The following GNA12 variants were observed in gnomAD, a reference collection of about 807,000 sequenced individuals.
GNA12 encodes the protein G protein subunit alpha 12, also known as guanine nucleotide-binding protein subunit alpha-12.
GNA12 carries 9 observed loss-of-function variants against 26.0 expected under a neutral mutation model. The ratio of observed to expected loss-of-function variants is 0.35; its 90% confidence interval spans 0.21 to 0.60. The LOEUF (loss-of-function observed/expected upper bound fraction) is 0.60, where lower values mean the gene tolerates loss of function less well. Ranked by LOEUF, GNA12 falls within the 20% of genes least tolerant of loss-of-function variation. The probability of loss-of-function intolerance (pLI) is 0.78; values close to 1 mark genes in which losing one functional copy is unlikely to be tolerated. For missense variants in GNA12, 405 were observed against 525.8 expected (o/e 0.77, Z 2.25); for synonymous variants, 264 against 219.6 (o/e 1.20, Z -1.79).
intron 1 of GNA12, among the ~76,000 whole-genome samples, chr7:2,816,642 A>G (rs1160231804): frequency 6.6e-6 from 1 of 152,274 alleles, no homozygotes; most frequent in Admixed American, 6.5e-5. Flanking sequence ...CAGAACACAA[A>G]TTGAATAATT....
chr7:2,815,023 A>G, intron 1 of GNA12: 1 of 1,511,324 alleles, frequency 6.6e-7, no homozygotes, highest in Non-Finnish European at 8.9e-7. Flanking sequence ...CTTCCACCCA[A>G]TCCAGTCCCC....
At chr7:2,793,978 G>A (rs1032742644) in intron 2 of GNA12, among the ~76,000 whole-genome samples, 1 of 151,888 alleles carries the variant, frequency 6.6e-6, no homozygotes, top group Non-Finnish European at 1.5e-5. Flanking sequence ...ATGGATCCTA[G>A]TATCTTTCCA....
chr7:2,764,210 C>T (rs1440601978), intron 2 of GNA12, among the ~76,000 whole-genome samples: 1 of 151,352 alleles, frequency 6.6e-6, no homozygotes, highest in Non-Finnish European at 1.5e-5. Flanking sequence ...GTAGCTGGGA[C>T]CACGGGCACG....
At chr7:2,836,257 A>G (rs1778834486) in intron 1 of GNA12, among the ~76,000 whole-genome samples, 1 of 152,220 alleles carries the variant, frequency 6.6e-6, no homozygotes, top group Non-Finnish European at 1.5e-5. Flanking sequence ...AAAGCCCCAG[A>G]CACTGAGTAA....
chr7:2,753,692 G>A (rs1791146528), intron 2 of GNA12, among the ~76,000 whole-genome samples: 1 of 152,088 alleles, frequency 6.6e-6, no homozygotes, highest in African/African-American at 2.4e-5. Flanking sequence ...TTTCTCTAGG[G>A]TAAATGCCCA....
intron 2 of GNA12, chr7:2,762,564 A>T: frequency 1.4e-6 from 2 of 1,431,816 alleles, no homozygotes; most frequent in East Asian, 2.5e-5. Flanking sequence ...AGATCCAATG[A>T]CATTTCCTGA....
intron 1 of GNA12, chr7:2,835,947 G>C (rs1173715501): frequency 1.9e-6 from 1 of 520,232 alleles, no homozygotes; most frequent in Non-Finnish European, 3.7e-6. Flanking sequence ...AAGCAATTCA[G>C]TGGGTGTGAG....
chr7:2,733,578 G>T, intron 2 of GNA12, 77 bp from the exon 3 acceptor site: 1 of 1,141,678 alleles, frequency 8.8e-7, no homozygotes, highest in Non-Finnish European at 1.3e-6. Context: ...AACTGAACAG[G>T]GTAAGAGCAG....
chr7:2,843,050 G>A (rs944403219), intron 1 of GNA12, among the ~76,000 whole-genome samples: 1 of 152,198 alleles, frequency 6.6e-6, no homozygotes, highest in East Asian at 1.9e-4. Flanking sequence ...ACTTTGGGAG[G>A]CCCAGGTGGG....
At chr7:2,827,649 G>GT (rs1212228499) in intron 1 of GNA12, among the ~76,000 whole-genome samples, 2 of 152,152 alleles carry the variant, frequency 1.3e-5, no homozygotes, top group Non-Finnish European at 1.5e-5. Context: ...CCTGACTGCA[G>GT]TGACACCAGG....
At chr7:2,755,514 T>C (rs1251836215) in intron 2 of GNA12, among the ~76,000 whole-genome samples, 3 of 152,370 alleles carry the variant, frequency 2.0e-5, no homozygotes, top group South Asian at 2.1e-4. Context: ...GTTAATGGTG[T>C]TGCATCTTAA....
intron 2 of GNA12, among the ~76,000 whole-genome samples, chr7:2,755,161 C>T (rs1034640279): frequency 1.3e-5 from 2 of 152,198 alleles, no homozygotes; most frequent in African/African-American, 4.8e-5. Flanking sequence ...CAGGCCTGAC[C>T]ACTGCAGGGA....
intron 2 of GNA12, among the ~76,000 whole-genome samples, chr7:2,738,276 C>T (rs1790312008): frequency 7.0e-6 from 1 of 142,640 alleles, no homozygotes; most frequent in Non-Finnish European, 1.6e-5. Flanking sequence ...CAGAGTGAGG[C>T]TCCATCTAAA....
At chr7:2,836,652 G>A (rs1361517851) in intron 1 of GNA12, among the ~76,000 whole-genome samples, 1 of 152,132 alleles carries the variant, frequency 6.6e-6, no homozygotes, top group Non-Finnish European at 1.5e-5. Flanking sequence ...GGCCAGGTGC[G>A]GTGGCCCACA....
At chr7:2,809,193 G>T (rs757790) in intron 1 of GNA12, among the ~76,000 whole-genome samples, 81,765 of 151,880 alleles carry the variant, frequency 0.54, 22,831 homozygotes, top group Non-Finnish European at 0.62. Context: ...GCCCCACAAG[G>T]ACAGGGCTCT....
intron 2 of GNA12, among the ~76,000 whole-genome samples, chr7:2,736,053 T>C (rs1038784120): frequency 5.3e-5 from 8 of 152,192 alleles, no homozygotes; most frequent in African/African-American, 1.4e-4. Flanking sequence ...GACGATCGTT[T>C]GCGACGGACT....
intron 1 of GNA12, among the ~76,000 whole-genome samples, chr7:2,815,422 G>A (rs1436528582): frequency 6.6e-6 from 1 of 152,174 alleles, no homozygotes; most frequent in Admixed American, 6.5e-5. Context: ...CATGAGGGAG[G>A]CTGGAGCGTG....
At chr7:2,757,461 G>GA (rs1402629744) in intron 2 of GNA12, among the ~76,000 whole-genome samples, 1 of 152,186 alleles carries the variant, frequency 6.6e-6, no homozygotes, top group Non-Finnish European at 1.5e-5. Flanking sequence ...CAGCTAGTAA[G>GA]AAAATGGGAC....
chr7:2,788,175 A>C (rs1792414387), intron 2 of GNA12, among the ~76,000 whole-genome samples: 1 of 151,376 alleles, frequency 6.6e-6, no homozygotes, highest in Admixed American at 6.6e-5. Context: ...AAATGCCAGC[A>C]AAACCAGAGA....
Sources: gnomAD v4.1 joint callset for allele counts (sites outside exome capture counted in the v4.1 genomes callset) on GRCh38, gnomAD v4.1.1 for gene constraint, MANE v1.5 for transcripts, NCBI Gene and HGNC (gene_info 2026-07-23, HGNC 2026-07-21) for gene names.